Variants in TDRP observed in about 807,000 individuals in gnomAD.
TDRP encodes the protein testis development related protein, also known as testis development-related protein.
Under a neutral mutation model 10.5 loss-of-function variants are expected in TDRP, and 12 were observed. The observed-to-expected ratio is 1.15, with a 90% CI of 0.73 to 1.86. The LOEUF (loss-of-function observed/expected upper bound fraction) is 1.86. TDRP is among the 40% of genes most tolerant of loss of function. TDRP has a pLI of 0.00. For missense variants in TDRP, 353 were observed against 229.2 expected (o/e 1.54, Z -3.49); for synonymous variants, 139 against 95.4 (o/e 1.46, Z -2.67).
intron 1 of TDRP, among the ~76,000 whole-genome samples, chr8:524,729 T>C (rs1052457016): frequency 6.6e-6 from 1 of 152,186 alleles, no homozygotes; most frequent in Non-Finnish European, 1.5e-5. Context: ...ATTAGTGATC[T>C]TGAAGACAGG....
chr8:536,716 T>C (rs1802355904), intron 1 of TDRP, among the ~76,000 whole-genome samples: 1 of 152,232 alleles, frequency 6.6e-6, no homozygotes, highest in Non-Finnish European at 1.5e-5. Context: ...AACTTTTTAA[T>C]GTGGCCACCA....
chr8:498,300 TGCGTTGGAA>T (rs1260400196), intron 1 of TDRP, among the ~76,000 whole-genome samples: 1 of 152,192 alleles, frequency 6.6e-6, no homozygotes, highest in Non-Finnish European at 1.5e-5. Context: ...AGATGCCCAA[TGCGTTGGAA>T]GCCCACCCCT....
In TDRP at chr8:491,635, T is replaced by C. The variant is rs763211191; in HGVS notation, c.*764A>G. ...CAAGACAATGTTTCCTAAATGAAAT[T>C]ATCAACTGACTAAAATTGATCCATA... On this transcript the variant is annotated 3_prime_UTR_variant, in exon 3 of 3. Coordinates refer to ENST00000324079, the MANE Select transcript of TDRP (RefSeq NM_001384899.1). The C allele has an allele frequency of 6.5e-6, 10 of 1,532,000 alleles. No individual in the cohort carries two copies. The South Asian group carries it at 1.1e-4, about 17-fold the overall frequency. The allele number at this position is 1,532,000 out of a possible 1,614,324, so 94.9% of individuals were successfully genotyped here.
intron 1 of TDRP, among the ~76,000 whole-genome samples, chr8:496,179 C>T (rs529259419): frequency 6.6e-6 from 1 of 152,362 alleles, no homozygotes; most frequent in East Asian, 1.9e-4. Context: ...CAGCTTTCCA[C>T]ATCACACACT....
At chr8:540,399 T>G (rs183976618) in intron 1 of TDRP, among the ~76,000 whole-genome samples, 1 of 152,198 alleles carries the variant, frequency 6.6e-6, no homozygotes, top group Non-Finnish European at 1.5e-5. Flanking sequence ...CACACACCTA[T>G]GTATCTGCAT....
At chr8:523,643 TC>T (rs1801962118) in intron 1 of TDRP, among the ~76,000 whole-genome samples, 1 of 152,046 alleles carries the variant, frequency 6.6e-6, no homozygotes, top group African/African-American at 2.4e-5. Context: ...TGAGTTAACA[TC>T]GGCAATAGCC....
intron 1 of TDRP, among the ~76,000 whole-genome samples, chr8:530,338 A>G (rs1283961869): frequency 2.0e-5 from 3 of 152,044 alleles, no homozygotes; most frequent in African/African-American, 7.2e-5. Flanking sequence ...TAATTCATTT[A>G]TCTCTGTTTC....
At chr8:525,816 T>A (rs1276714211) in intron 1 of TDRP, among the ~76,000 whole-genome samples, 5 of 152,226 alleles carry the variant, frequency 3.3e-5, no homozygotes, top group African/African-American at 1.2e-4. Flanking sequence ...AGTAAGTCAT[T>A]ATTTATCAAT....
chr8:523,012 A>G lies in TDRP; in HGVS notation c.108+21638T>C, dbSNP rs116042090. On this transcript the variant is annotated intron_variant, in intron 1 of 2. Transcript: ENST00000324079. ...TGGTTGGGGAGTTTAATCCATTTAC[A>G]TGGAAAGTAATTACTGATAGGGTAG... 1.8e-3 allele frequency among the ~76,000 whole-genome samples: 280 copies of G among 152,268 alleles called. 2 individuals carry two copies. The highest frequency in any genetic ancestry group is 6.5e-3 in the African/African-American group (271 of 41,550).
Position 491,876 on chromosome 8 carries a change from G to C in TDRP, c.*523C>G. 8.4e-7 allele frequency: 1 copy of C among 1,195,512 alleles called. No individual in the cohort carries two copies. The highest frequency in any genetic ancestry group is 1.0e-6 in the Non-Finnish European group (1 of 964,774). The allele number at this position is 1,195,512 out of a possible 1,614,324, so 74.1% of individuals were successfully genotyped here. On this transcript the variant is annotated 3_prime_UTR_variant, in exon 3 of 3. Transcript: ENST00000324079. ...TATAAGCTTTGCTTTTCCAGTATTT[G>C]TTTACGTATTTGTTTAATAAGAACA...
intron 1 of TDRP, among the ~76,000 whole-genome samples, chr8:526,491 T>C (rs930469052): frequency 1.3e-5 from 2 of 152,224 alleles, no homozygotes; most frequent in African/African-American, 2.4e-5. Context: ...TTGTCCTTCA[T>C]TGTGTTGATA....
Position 544,504 on chromosome 8 carries a change from G to T in TDRP, c.108+146C>A, listed in dbSNP as rs1461970549. On this transcript the variant is annotated intron_variant, in intron 1 of 2. Transcript: ENST00000324079. ...CGCACTCGGGCACCTAGCGGGCCGC[G>T]CCCCGGAGCTACGCGGCCCCAACCT... 8 of 465,166 alleles carry T rather than the reference G, an allele frequency of 1.7e-5. No homozygotes were observed. The East Asian group carries it at 1.8e-4, about 11-fold the overall frequency. 28.8% of individuals were successfully genotyped at this position (465,166 alleles called of 1,614,324 possible).
intron 1 of TDRP, among the ~76,000 whole-genome samples, chr8:532,241 T>G (rs1228004969): frequency 6.6e-6 from 1 of 152,166 alleles, no homozygotes; most frequent in Non-Finnish European, 1.5e-5. Context: ...TCACATGTGG[T>G]GGCCAGCACT....
chr8:507,887 C>T (rs1295654192), intron 1 of TDRP, among the ~76,000 whole-genome samples: 2 of 152,116 alleles, frequency 1.3e-5, no homozygotes, highest in Non-Finnish European at 2.9e-5. Context: ...ATATAACAAA[C>T]TTTCACCTGT....
intron 1 of TDRP, among the ~76,000 whole-genome samples, chr8:495,535 G>C (rs540825636): frequency 6.6e-6 from 1 of 152,186 alleles, no homozygotes; most frequent in African/African-American, 2.4e-5. Context: ...TTACTAAGAA[G>C]AATGGAGAAA....
intron 1 of TDRP, among the ~76,000 whole-genome samples, chr8:535,081 A>G (rs912895088): frequency 6.6e-6 from 1 of 152,214 alleles, no homozygotes; most frequent in African/African-American, 2.4e-5. Flanking sequence ...AGTCTATAAC[A>G]TTTTTGTACA....
chr8:493,768 TG>T (rs1357868969), intron 2 of TDRP, among the ~76,000 whole-genome samples: 1 of 151,612 alleles, frequency 6.6e-6, no homozygotes, highest in East Asian at 1.9e-4. Flanking sequence ...GTGTTTTTTT[TG>T]GTGGTGGTTG....
At chr8:495,744 G>T (rs1801110479) in intron 1 of TDRP, among the ~76,000 whole-genome samples, 1 of 152,196 alleles carries the variant, frequency 6.6e-6, no homozygotes, top group Non-Finnish European at 1.5e-5. Flanking sequence ...GCATGACACT[G>T]ATCCGAGACA....
At chr8:532,346 T>C (rs1802226682) in intron 1 of TDRP, among the ~76,000 whole-genome samples, 1 of 152,182 alleles carries the variant, frequency 6.6e-6, no homozygotes, top group African/African-American at 2.4e-5. Context: ...AAACCTGCAA[T>C]CTGTCTCAGA....
Sources: allele counts gnomAD v4.1 joint callset (sites outside exome capture counted in the v4.1 genomes callset), GRCh38; gene constraint gnomAD v4.1.1; transcripts MANE v1.5; gene names NCBI Gene and HGNC (gene_info 2026-07-23, HGNC 2026-07-21).